The following NPAS2 variants were observed in gnomAD, a reference collection of about 807,000 sequenced individuals.
The protein encoded by NPAS2 is neuronal PAS domain protein 2.
Under a neutral mutation model 107.5 loss-of-function variants are expected in NPAS2, and 23 were observed. That is an observed-to-expected ratio of 0.21 (90% CI 0.15 to 0.30). NPAS2 has a LOEUF of 0.30. Ranked by LOEUF, NPAS2 falls within the 10% of genes least tolerant of loss-of-function variation. NPAS2 has a pLI of 1.00. For synonymous variants in NPAS2, 403 were observed against 417.5 expected (o/e 0.97, Z 0.42); for missense variants, 756 against 1,043.3 (o/e 0.72, Z 3.79).
intron 7 of NPAS2, among the ~76,000 whole-genome samples, chr2:100,962,593 A>G (rs1675974934): frequency 6.6e-6 from 1 of 152,216 alleles, no homozygotes. Context: ...TGATCTGTTT[A>G]GGGCCCAGGC....
chr2:100,988,877 C>G (rs1335714843), intron 17 of NPAS2: 2 of 250,738 alleles, frequency 8.0e-6, no homozygotes, highest in Non-Finnish European at 1.5e-5. Flanking sequence ...CTCTGCTCCT[C>G]CAGGCGCCCC....
chr2:100,942,570 G>T (rs946352213), intron 5 of NPAS2, among the ~76,000 whole-genome samples: 4 of 152,002 alleles, frequency 2.6e-5, no homozygotes, highest in African/African-American at 9.7e-5. Flanking sequence ...ACAGATGTGT[G>T]TATAAAACAT....
chr2:100,942,036 C>T (rs1189725366), intron 5 of NPAS2, among the ~76,000 whole-genome samples: 2 of 152,154 alleles, frequency 1.3e-5, no homozygotes, highest in African/African-American at 4.8e-5. Context: ...CTGCAAGCAG[C>T]TTGGCACGGG....
intron 1 of NPAS2, among the ~76,000 whole-genome samples, chr2:100,888,924 T>A (rs961450689): frequency 6.6e-6 from 1 of 152,200 alleles, no homozygotes; most frequent in African/African-American, 2.4e-5. Flanking sequence ...CTTTAGACAT[T>A]TGCAGAAGGA....
chr2:100,929,206 A>G (rs1444252815), intron 3 of NPAS2, among the ~76,000 whole-genome samples: 1 of 152,198 alleles, frequency 6.6e-6, no homozygotes, highest in Admixed American at 6.5e-5. Flanking sequence ...CACCCGGCCC[A>G]TGGCAGCACT....
intron 1 of NPAS2, among the ~76,000 whole-genome samples, chr2:100,902,683 TCA>T (rs1681864819): frequency 6.6e-6 from 1 of 152,254 alleles, no homozygotes; most frequent in Non-Finnish European, 1.5e-5. Flanking sequence ...AGCTGGGCAC[TCA>T]GCAGTGGTTA....
At chr2:100,901,437 A>G in intron 1 of NPAS2, 1 of 778,940 alleles carries the variant, frequency 1.3e-6, no homozygotes, top group Non-Finnish European at 1.6e-6. Flanking sequence ...AAGCTTAAAA[A>G]GACTCCGGAG....
At chr2:100,946,370 T>C (rs1411596085) in intron 5 of NPAS2, among the ~76,000 whole-genome samples, 1 of 152,146 alleles carries the variant, frequency 6.6e-6, no homozygotes, top group Admixed American at 6.5e-5. Context: ...GGGTGTCACC[T>C]GGGGCTTTCT....
chr2:100,993,073 G>A (rs1425617030), intron 19 of NPAS2, among the ~76,000 whole-genome samples: 1 of 152,032 alleles, frequency 6.6e-6, no homozygotes, highest in Non-Finnish European at 1.5e-5. Context: ...GGGACTACAG[G>A]TGCCCAACAT....
intron 7 of NPAS2, among the ~76,000 whole-genome samples, chr2:100,958,647 G>A (rs1331207050): frequency 1.3e-5 from 2 of 152,164 alleles, no homozygotes; most frequent in African/African-American, 4.8e-5. Flanking sequence ...AATGAGGAAT[G>A]GTCAGGCTTT....
chr2:100,871,783 A>T (rs930784528), intron 1 of NPAS2, among the ~76,000 whole-genome samples: 3 of 151,996 alleles, frequency 2.0e-5, no homozygotes, highest in Non-Finnish European at 4.4e-5. Context: ...GCCCTTTGAA[A>T]CACTAGAAAT....
intron 1 of NPAS2, chr2:100,821,335 CT>C: frequency 2.7e-6 from 2 of 733,678 alleles, no homozygotes; most frequent in Non-Finnish European, 3.8e-6. Flanking sequence ...GTCCGGGAGG[CT>C]TTAGTACGGA....
Position 100,840,245 on chromosome 2 carries a change from T to C in NPAS2, c.-23+19831T>C, listed in dbSNP as rs74653976. ...CTGACAGAGACTCCTGCATGTCTGTTACATGGCAGTATCTAAATTTTACAG... is the reference window on the plus strand; with the variant it reads ...CTGACAGAGACTCCTGCATGTCTGTCACATGGCAGTATCTAAATTTTACAG... On this transcript the variant is annotated intron_variant, in intron 1 of 20. Coordinates refer to ENST00000335681, the MANE Select transcript of NPAS2 (RefSeq NM_002518.4). 1.8e-3 allele frequency among the ~76,000 whole-genome samples: 276 copies of C among 152,304 alleles called. 1 individual carries two copies. Among genetic ancestry groups the C allele is most frequent in the African/African-American group, 6.4e-3 (264 of 41,568 alleles).
At chr2:100,838,325 T>G (rs963584460) in intron 1 of NPAS2, among the ~76,000 whole-genome samples, 6 of 152,194 alleles carry the variant, frequency 3.9e-5, no homozygotes, top group African/African-American at 1.4e-4. Flanking sequence ...TTGCCCAGGC[T>G]GGAGTGTAGT....
intron 1 of NPAS2, among the ~76,000 whole-genome samples, chr2:100,840,014 G>C (rs1315024377): frequency 2.0e-5 from 3 of 152,144 alleles, no homozygotes; most frequent in Non-Finnish European, 4.4e-5. Flanking sequence ...TCTATATTCA[G>C]GGAATTTTAT....
At chr2:100,954,268 G>A (rs890567780) in intron 7 of NPAS2, among the ~76,000 whole-genome samples, 5 of 152,180 alleles carry the variant, frequency 3.3e-5, no homozygotes, top group African/African-American at 1.2e-4. Flanking sequence ...AAAGGTACCT[G>A]GAAGGTGAGT....
At chr2:100,964,349 G>A (rs540541453) in intron 8 of NPAS2, among the ~76,000 whole-genome samples, 173 bp downstream of exon 8, 5 of 152,282 alleles carry the variant, frequency 3.3e-5, no homozygotes, top group East Asian at 1.9e-4. Context: ...CCCCTGCCCC[G>A]TTTCCTGCAA....
At chr2:100,850,711 A>G (rs1183900579) in intron 1 of NPAS2, among the ~76,000 whole-genome samples, 6 of 151,946 alleles carry the variant, frequency 3.9e-5, no homozygotes, top group East Asian at 3.9e-4. Flanking sequence ...CCAGCACTTT[A>G]GGAGGCCGAG....
At chr2:100,834,675 T>C (rs1676948353) in intron 1 of NPAS2, among the ~76,000 whole-genome samples, 1 of 151,938 alleles carries the variant, frequency 6.6e-6, no homozygotes, top group East Asian at 1.9e-4. Flanking sequence ...GCCATCCCTT[T>C]ATCATTTTTC....
Sources: allele counts gnomAD v4.1 joint callset (sites outside exome capture counted in the v4.1 genomes callset), GRCh38; gene constraint gnomAD v4.1.1; transcripts MANE v1.5; gene names NCBI Gene and HGNC (gene_info 2026-07-23, HGNC 2026-07-21).